CSNK1G1: variants seen among roughly 807,000 people sequenced by gnomAD.
CSNK1G1 encodes casein kinase 1 gamma 1, also known as casein kinase I isoform gamma-1.
In CSNK1G1, 22 loss-of-function variants were observed where a neutral mutation model predicts 59.6. The ratio of observed to expected loss-of-function variants is 0.37; its 90% CI spans 0.26 to 0.53. CSNK1G1 has a LOEUF of 0.53. Among genes scored for constraint, CSNK1G1 ranks in the 20% least tolerant of loss-of-function variants. CSNK1G1 has a pLI of 0.89. For missense variants in CSNK1G1, 384 were observed against 519.5 expected (o/e 0.74, Z 2.54); for synonymous variants, 179 against 177.1 (o/e 1.01, Z -0.08).
intron 10 of CSNK1G1, among the ~76,000 whole-genome samples, chr15:64,197,140 C>T (rs954315594): frequency 2.6e-5 from 4 of 152,156 alleles, no homozygotes; most frequent in African/African-American, 9.7e-5. Context: ...AATGCTGACA[C>T]CCTAAATAGG....
At chr15:64,199,620 C>T (rs144262962) in intron 10 of CSNK1G1, among the ~76,000 whole-genome samples, 218 of 152,098 alleles carry the variant, frequency 1.4e-3, no homozygotes, top group African/African-American at 5.1e-3. Flanking sequence ...TTTGGGAGGC[C>T]GAGGCGGGCG....
At chr15:64,340,060 A>G (rs547776185) in intron 1 of CSNK1G1, among the ~76,000 whole-genome samples, 12 of 152,272 alleles carry the variant, frequency 7.9e-5, no homozygotes, top group Non-Finnish European at 1.8e-4. Context: ...TTAAATTTCC[A>G]AACATTTTTA....
At chr15:64,235,757 C>T (rs1287967219) in intron 4 of CSNK1G1, among the ~76,000 whole-genome samples, 2 of 152,084 alleles carry the variant, frequency 1.3e-5, no homozygotes, top group Non-Finnish European at 2.9e-5. Flanking sequence ...TGTGCAACTC[C>T]GAGGTGACTG....
intron 6 of CSNK1G1, among the ~76,000 whole-genome samples, chr15:64,209,209 G>A (rs2082220660): frequency 6.6e-6 from 1 of 152,072 alleles, no homozygotes; most frequent in Non-Finnish European, 1.5e-5. Context: ...CATTTTATGT[G>A]TTTATTTTTC....
chr15:64,352,290 A>G (rs934757935), intron 1 of CSNK1G1, among the ~76,000 whole-genome samples: 6 of 151,886 alleles, frequency 4.0e-5, no homozygotes, highest in Non-Finnish European at 7.4e-5. Flanking sequence ...TGGGTGACAG[A>G]GCAAGACTCC....
At chr15:64,208,632 C>T (rs919206414) in intron 6 of CSNK1G1, among the ~76,000 whole-genome samples, 8 of 152,124 alleles carry the variant, frequency 5.3e-5, no homozygotes, top group African/African-American at 1.7e-4. Flanking sequence ...TTCCTGAGCC[C>T]AAGGGACCCT....
rs1375990322 is a variant in CSNK1G1 at position 64,200,216 on chromosome 15, G to A, written c.1107+2866C>T. ...GCCAAGATCATGCTCCAGCCTTGGTGATAAGAGCTAAACTCTGTCTCAAAA... is the reference window on the plus strand; with the variant it reads ...GCCAAGATCATGCTCCAGCCTTGGTAATAAGAGCTAAACTCTGTCTCAAAA... On this transcript the variant is annotated intron_variant, in intron 10 of 11. Coordinates refer to ENST00000303052, the MANE Select transcript of CSNK1G1 (RefSeq NM_022048.5). The surrounding 1 kb of genome is among the most constrained non-coding windows in gnomAD (Gnocchi z 4.3). 1.3e-5 allele frequency among the ~76,000 whole-genome samples: 2 copies of A among 151,826 alleles called. No individual in the cohort carries two copies. Among genetic ancestry groups the A allele is most frequent in the Non-Finnish European group, 2.9e-5 (2 of 67,974 alleles).
chr15:64,190,543 T>C (rs2081956762), intron 10 of CSNK1G1, among the ~76,000 whole-genome samples: 1 of 152,128 alleles, frequency 6.6e-6, no homozygotes, highest in Non-Finnish European at 1.5e-5. Flanking sequence ...GCCTCCCAAG[T>C]AGCTGGGATT....
intron 3 of CSNK1G1, among the ~76,000 whole-genome samples, chr15:64,253,969 G>A (rs1429152549): frequency 2.6e-5 from 4 of 151,962 alleles, no homozygotes; most frequent in African/African-American, 4.8e-5. Flanking sequence ...GTGAAACCCC[G>A]TCTCTACTAA....
chr15:64,173,650 T>C (rs2140199717), intron 11 of CSNK1G1, among the ~76,000 whole-genome samples: 1 of 142,246 alleles, frequency 7.0e-6, no homozygotes, highest in African/African-American at 2.7e-5. Flanking sequence ...TGAGACTGAG[T>C]CTCACTCTGT....
At chr15:64,178,311 C>T (rs952138072) in intron 11 of CSNK1G1, among the ~76,000 whole-genome samples, 2 of 151,938 alleles carry the variant, frequency 1.3e-5, no homozygotes, top group African/African-American at 4.8e-5. Context: ...CTGGCATAAC[C>T]AGCATAACCC....
At chr15:64,232,567 G>C (rs2082563298) in intron 4 of CSNK1G1, among the ~76,000 whole-genome samples, 1 of 152,134 alleles carries the variant, frequency 6.6e-6, no homozygotes, top group Admixed American at 6.6e-5. Flanking sequence ...GTACTCCACA[G>C]CTTTGGGAAT....
At position 64,207,573 on chromosome 15, in the gene CSNK1G1, A is replaced by C. The variant is rs1416290545; in HGVS notation, c.701T>G (p.Leu234Trp). The C allele has an allele frequency of 1.2e-6, 2 of 1,613,854 alleles. No homozygotes were observed. Among genetic ancestry groups the C allele is most frequent in the Non-Finnish European group, 1.7e-6 (2 of 1,179,832 alleles). The change falls in exon 7 of 12, where the codon TTG becomes TGG. Residue 234 changes from leucine to tryptophan, a missense_variant. Physicochemically the swap from Leu to Trp is moderately conservative, Grantham distance 61 (BLOSUM62 -2). Coordinates refer to ENST00000303052, the MANE Select transcript of CSNK1G1 (RefSeq NM_022048.5). ...LGKEQSRRDD[L>W]EALGHMFMYF... is the part of the protein sequence containing the mutation. ...CATGAACATATGGCCTAGGGCTTCC[A>C]AATCATCTCTCCGGCTTTGCTCTAA... is the stretch of plus-strand genomic sequence containing the variant.
At chr15:64,286,887 T>C (rs986268750) in intron 2 of CSNK1G1, among the ~76,000 whole-genome samples, 1 of 152,214 alleles carries the variant, frequency 6.6e-6, no homozygotes, top group Non-Finnish European at 1.5e-5. Context: ...ACGATTAATG[T>C]TGGGGATGAT....
chr15:64,301,830 T>C (rs369764508), intron 1 of CSNK1G1, among the ~76,000 whole-genome samples: 9 of 151,872 alleles, frequency 5.9e-5, no homozygotes, highest in African/African-American at 2.2e-4. Flanking sequence ...GAGGTGGCAG[T>C]GAGCCGAGCT....
intron 4 of CSNK1G1, among the ~76,000 whole-genome samples, chr15:64,249,633 G>T (rs549160084): frequency 1.3e-5 from 2 of 152,302 alleles, no homozygotes; most frequent in East Asian, 3.9e-4. Flanking sequence ...TCATGACAAT[G>T]ATGGATATAC....
At chr15:64,316,586 T>C (rs1477214358) in intron 1 of CSNK1G1, among the ~76,000 whole-genome samples, 1 of 150,354 alleles carries the variant, frequency 6.7e-6, no homozygotes, top group Non-Finnish European at 1.5e-5. Context: ...ACAGCTTGTC[T>C]ATCATAAAGG....
At chr15:64,258,392 AAAAAT>A (rs1892510079) in intron 3 of CSNK1G1, among the ~76,000 whole-genome samples, 1 of 151,522 alleles carries the variant, frequency 6.6e-6, no homozygotes, top group African/African-American at 2.4e-5. Flanking sequence ...CCAAAAAAAA[AAAAAT>A]AAAGAAAGAA....
At chr15:64,226,587 A>T (rs569082737) in intron 4 of CSNK1G1, among the ~76,000 whole-genome samples, 6 of 141,572 alleles carry the variant, frequency 4.2e-5, no homozygotes, top group Non-Finnish European at 7.8e-5. Flanking sequence ...AACAAACCAA[A>T]AAAAAAAAAG....
Sources: gnomAD v4.1 joint callset for allele counts (sites outside exome capture counted in the v4.1 genomes callset) on GRCh38, gnomAD v4.1.1 for gene constraint, Gnocchi (gnomAD v3.1) non-coding constraint, MANE v1.5 for transcripts, NCBI Gene and HGNC (gene_info 2026-07-23, HGNC 2026-07-21) for gene names.